Variants in DSCAM observed in about 807,000 individuals in gnomAD.
DSCAM encodes cell adhesion molecule DSCAM.
In DSCAM, 47 loss-of-function variants were observed where a neutral mutation model predicts 217.7. That is an observed-to-expected ratio of 0.22 (90% CI 0.17 to 0.28). DSCAM has a LOEUF of 0.28. Among genes scored for constraint, DSCAM ranks in the 10% least tolerant of loss-of-function variants. DSCAM has a pLI of 1.00. For missense variants in DSCAM, 2,080 were observed against 2,618.3 expected (o/e 0.79, Z 4.49); for synonymous variants, 1,056 against 1,015.3 (o/e 1.04, Z -0.76).
At chr21:40,433,853 C>G (rs1487451862) in intron 3 of DSCAM, among the ~76,000 whole-genome samples, 1 of 152,106 alleles carries the variant, frequency 6.6e-6, no homozygotes, top group Non-Finnish European at 1.5e-5. Flanking sequence ...ATCACCTGAG[C>G]TGGTTAATGT....
chr21:40,764,575 T>C (rs963270489), intron 1 of DSCAM, among the ~76,000 whole-genome samples: 5 of 152,150 alleles, frequency 3.3e-5, no homozygotes, highest in African/African-American at 4.8e-5. Flanking sequence ...AGAAACACCA[T>C]TTGACCCAGC....
At chr21:40,585,947 C>T (rs1376017520) in intron 3 of DSCAM, among the ~76,000 whole-genome samples, 3 of 152,156 alleles carry the variant, frequency 2.0e-5, no homozygotes, top group Admixed American at 6.5e-5. Context: ...ACCTCTGCCT[C>T]GCAAGTTCAA....
intron 3 of DSCAM, among the ~76,000 whole-genome samples, chr21:40,578,420 A>T (rs1014435225): frequency 6.6e-6 from 1 of 151,634 alleles, no homozygotes; most frequent in Non-Finnish European, 1.5e-5. Context: ...CTCTGTAAAA[A>T]CGCACCAATC....
intron 20 of DSCAM, among the ~76,000 whole-genome samples, chr21:40,107,627 T>C (rs1275313416): frequency 6.6e-6 from 1 of 152,144 alleles, no homozygotes; most frequent in East Asian, 1.9e-4. Context: ...TGTTATTGGG[T>C]GGGAGTCTAA....
chr21:40,108,776 A>G (rs1408684628), intron 20 of DSCAM, among the ~76,000 whole-genome samples: 1 of 152,218 alleles, frequency 6.6e-6, no homozygotes, highest in Non-Finnish European at 1.5e-5. Context: ...TAACCAAAAC[A>G]GCATGGTTCT....
At chr21:40,182,592 GCCAGCAGAGAAACC>G (rs1395543781) in intron 14 of DSCAM, among the ~76,000 whole-genome samples, 4 of 146,910 alleles carry the variant, frequency 2.7e-5, no homozygotes, top group African/African-American at 7.8e-5. Flanking sequence ...GACAGGAGGG[GCCAGCAGAGAAACC>G]GTGGACAGAA....
chr21:40,120,970 C>T (rs528652436), intron 20 of DSCAM, among the ~76,000 whole-genome samples: 194 of 152,120 alleles, frequency 1.3e-3, no homozygotes, highest in African/African-American at 4.4e-3. Context: ...ATGACATCAG[C>T]GAGGAGGTTA....
At chr21:40,667,144 C>A (rs1369081142) in intron 3 of DSCAM, among the ~76,000 whole-genome samples, 2 of 152,160 alleles carry the variant, frequency 1.3e-5, no homozygotes, top group Non-Finnish European at 2.9e-5. Context: ...AAGATGAAAC[C>A]AAGTGAAAGC....
intron 18 of DSCAM, among the ~76,000 whole-genome samples, chr21:40,135,744 T>C (rs1327312214): frequency 6.6e-6 from 1 of 152,262 alleles, no homozygotes; most frequent in East Asian, 1.9e-4. Context: ...CACAAATGAA[T>C]AGCCATGTAT....
intron 1 of DSCAM, among the ~76,000 whole-genome samples, chr21:40,845,541 C>T (rs2092137069): frequency 3.3e-5 from 1 of 29,992 alleles, no homozygotes. Context: ...TCTTCTTCTC[C>T]TCTCTCTCTC....
At chr21:40,022,869 C>A (rs1335744725) in intron 32 of DSCAM, among the ~76,000 whole-genome samples, 1 of 150,868 alleles carries the variant, frequency 6.6e-6, no homozygotes, top group Non-Finnish European at 1.5e-5. Flanking sequence ...GCAGTATTTT[C>A]TTTTCTTTTT....
intron 1 of DSCAM, among the ~76,000 whole-genome samples, chr21:40,805,778 G>A (rs568290512): frequency 6.6e-6 from 1 of 151,420 alleles, no homozygotes; most frequent in Non-Finnish European, 1.5e-5. Flanking sequence ...GCCCCATCTC[G>A]GCTCACTGCA....
intron 11 of DSCAM, among the ~76,000 whole-genome samples, chr21:40,245,422 A>G: frequency 6.6e-6 from 1 of 152,160 alleles, no homozygotes; most frequent in East Asian, 1.9e-4. Context: ...AAAAAAGGAA[A>G]GCTGAGAGGG....
intron 1 of DSCAM, among the ~76,000 whole-genome samples, chr21:40,742,634 T>C (rs1488771988): frequency 6.6e-6 from 1 of 152,114 alleles, no homozygotes; most frequent in East Asian, 1.9e-4. Flanking sequence ...ATAAAGAAAA[T>C]CCAGAAAACA....
At chr21:40,062,304 G>A (rs76959104) in intron 28 of DSCAM, among the ~76,000 whole-genome samples, 3,500 of 152,252 alleles carry the variant, frequency 0.023, 58 homozygotes, top group Non-Finnish European at 0.029. Context: ...CCCCTCCACG[G>A]TTATGAATGG....
chr21:40,701,931 G>A (rs2090660898), intron 2 of DSCAM, among the ~76,000 whole-genome samples: 1 of 151,996 alleles, frequency 6.6e-6, no homozygotes, highest in African/African-American at 2.4e-5. Context: ...TTTATTTAAA[G>A]GTCAATTACA....
chr21:40,033,818 G>T (rs867107814), intron 32 of DSCAM, among the ~76,000 whole-genome samples: 4 of 149,810 alleles, frequency 2.7e-5, no homozygotes, highest in East Asian at 1.9e-4. Flanking sequence ...CTCCCAGTAC[G>T]CAGCTGGACA....
intron 3 of DSCAM, among the ~76,000 whole-genome samples, chr21:40,591,802 T>C (rs1458474343): frequency 1.3e-5 from 2 of 152,352 alleles, no homozygotes; most frequent in East Asian, 3.9e-4. Flanking sequence ...TGGCCCAGGC[T>C]ATTTGGAGAA....
intron 3 of DSCAM, among the ~76,000 whole-genome samples, chr21:40,659,906 T>C (rs561078970): frequency 6.6e-6 from 1 of 152,330 alleles, no homozygotes; most frequent in South Asian, 2.1e-4. Flanking sequence ...CCAGATGCAT[T>C]TCAAAAATGT....
Sources: allele counts gnomAD v4.1 joint callset (sites outside exome capture counted in the v4.1 genomes callset), GRCh38; gene constraint gnomAD v4.1.1; transcripts MANE v1.5; gene names NCBI Gene and HGNC (gene_info 2026-07-23, HGNC 2026-07-21).